The following TULP2 variants were observed in gnomAD, a reference collection of about 807,000 sequenced individuals.
TULP2 encodes tubby-related protein 2.
TULP2 carries 64 observed loss-of-function variants against 60.3 expected under a neutral mutation model. The ratio of observed to expected loss-of-function variants is 1.06; its 90% CI spans 0.87 to 1.31. The LOEUF (loss-of-function observed/expected upper bound fraction) is 1.31. Among genes scored for constraint, TULP2 ranks in the 50% most tolerant of loss-of-function variants. The pLI is 0.00. For synonymous variants in TULP2, 267 were observed against 265.4 expected (o/e 1.01, Z -0.06); for missense variants, 652 against 667.0 (o/e 0.98, Z 0.25).
chr19:48,894,846 C>G (rs2037263903), intron 6 of TULP2, 152 bp downstream of exon 6: 1 of 1,058,932 alleles, frequency 9.4e-7, no homozygotes, highest in Middle Eastern at 3.2e-4. Flanking sequence ...GAGGGGCGAC[C>G]GTGTACTGGA....
chr19:48,895,595 C>A (rs1257467760), intron 4 of TULP2, 92 bp from the exon 5 acceptor site: 43 of 1,492,046 alleles, frequency 2.9e-5, no homozygotes, highest in Non-Finnish European at 3.5e-5. Context: ...CAAATATCAC[C>A]CCCGCCAGGC....
At chr19:48,883,728 A>C in intron 11 of TULP2, 26 bp downstream of exon 11, 32 of 1,609,114 alleles carry the variant, frequency 2.0e-5, no homozygotes, top group Non-Finnish European at 2.6e-5. Flanking sequence ...CCATTGACCC[A>C]GAGATTCCTG....
chr19:48,883,910 C>T (rs777465603), intron 10 of TULP2, 22 bp downstream of exon 10: 2 of 1,613,896 alleles, frequency 1.2e-6, no homozygotes, highest in Middle Eastern at 3.3e-4. Context: ...CTACCCCATT[C>T]TCTCATCCCC....
In TULP2 at chr19:48,882,029, C is replaced by T. The variant is rs1229946297; in HGVS notation, c.1447+3G>A. 6.2e-7 allele frequency: 1 copy of T among 1,614,228 alleles called. No individual in the cohort carries two copies. Among genetic ancestry groups the T allele is most frequent in the Non-Finnish European group, 8.5e-7 (1 of 1,180,048 alleles). Reference sequence around the variant, plus strand: ...CCGGCTAAACTGGTTTCCAGGAGCTCACGGTGTTTGGGATCCACGATTTGG... The same window carrying T: ...CCGGCTAAACTGGTTTCCAGGAGCTTACGGTGTTTGGGATCCACGATTTGG... On this transcript the variant is annotated splice_donor_region_variant and intron_variant, in intron 12 of 12. Coordinates refer to ENST00000221399, the MANE Select transcript of TULP2 (RefSeq NM_003323.3).
chr19:48,896,398 C>A (rs779825699), intron 4 of TULP2, 32 bp downstream of exon 4: 2 of 1,571,460 alleles, frequency 1.3e-6, no homozygotes. Context: ...CCCCTCCCCT[C>A]CAGGCGAACG....
rs1294363471 is a variant in TULP2 at position 48,887,949 on chromosome 19, C to G, written c.948+1G>C. 8.7e-6 allele frequency: 14 copies of G among 1,606,812 alleles called. No homozygotes were observed. The highest frequency in any genetic ancestry group is 1.1e-5 in the Non-Finnish European group (13 of 1,174,262). On this transcript the variant is annotated splice_donor_variant, in intron 8 of 12. Coordinates refer to ENST00000221399, the MANE Select transcript of TULP2 (RefSeq NM_003323.3). LOFTEE classifies it high-confidence loss of function. Reference sequence around the variant, plus strand: ...AAAGCTGTTGGGCTGGCTTACTGCACCTGCAGGCTGTCAGAGGTCTCCAGG... The same window carrying G: ...AAAGCTGTTGGGCTGGCTTACTGCAGCTGCAGGCTGTCAGAGGTCTCCAGG...
chr19:48,884,498 C>G (rs971058338), intron 9 of TULP2, among the ~76,000 whole-genome samples: 1 of 151,698 alleles, frequency 6.6e-6, no homozygotes, highest in Admixed American at 6.6e-5. Flanking sequence ...AGGCCGGGTA[C>G]GGTGGCTCAC....
rs182446876 is a variant in TULP2 at position 48,882,930 on chromosome 19, G to C, written c.1276-727C>G. Among the ~76,000 whole-genome samples, 47 of 152,180 alleles carry C rather than the reference G, an allele frequency of 3.1e-4. No individual in the cohort carries two copies. In the East Asian group the frequency reaches 8.3e-3, roughly 27 times the overall value. On this transcript the variant is annotated intron_variant, in intron 11 of 12. Transcript: ENST00000221399. ...CTTTGAATAAATTTTGCTTGTAAGAGAGGTTACTGCCGGGCACGGTGGCTC... is the reference window on the plus strand; with the variant it reads ...CTTTGAATAAATTTTGCTTGTAAGACAGGTTACTGCCGGGCACGGTGGCTC...
chr19:48,897,973 TTATTTATG>T lies in TULP2; in HGVS notation c.-1-112_-1-105del. On this transcript the variant is annotated intron_variant, in intron 1 of 12. Transcript: ENST00000221399. This position sits in a 1 kb window ranked among gnomAD's most constrained non-coding sequence, Gnocchi z 4.0. ...CTTATTTATTTATTTATTTATTTAT[TTATTTATG>T]TATTTAGAGACAGCTGAGCCTCGCT... 2 of 955,088 alleles carry T rather than the reference TTATTTATG, an allele frequency of 2.1e-6. No homozygotes were observed. Among genetic ancestry groups the T allele is most frequent in the East Asian group, 3.5e-5 (1 of 28,590 alleles). 59.2% of individuals were successfully genotyped at this position (955,088 alleles called of 1,614,324 possible).
At chr19:48,892,608 G>A (rs550627263) in intron 6 of TULP2, among the ~76,000 whole-genome samples, 2 of 151,538 alleles carry the variant, frequency 1.3e-5, no homozygotes, top group African/African-American at 4.9e-5. Flanking sequence ...GGTTCACGCC[G>A]TTTTACTGCC....
At chr19:48,889,406 A>T in intron 7 of TULP2, 104 bp downstream of exon 7, 1 of 1,482,426 alleles carries the variant, frequency 6.7e-7, no homozygotes. Flanking sequence ...ACCACCAGGA[A>T]AAAGAGCTTC....
intron 6 of TULP2, among the ~76,000 whole-genome samples, chr19:48,894,323 T>TA (rs1198287893): frequency 6.6e-6 from 1 of 151,940 alleles, no homozygotes; most frequent in African/African-American, 2.4e-5. Flanking sequence ...ACTTTATTTT[T>TA]AAAAATTTTT....
chr19:48,884,578 C>G (rs921456894), intron 9 of TULP2, among the ~76,000 whole-genome samples: 4 of 152,028 alleles, frequency 2.6e-5, no homozygotes, highest in Non-Finnish European at 5.9e-5. Context: ...CAAGACCAGC[C>G]TGACAGACAT....
chr19:48,895,603 G>A, intron 4 of TULP2, 100 bp from the exon 5 acceptor site: 1 of 1,467,276 alleles, frequency 6.8e-7, no homozygotes, highest in Non-Finnish European at 9.2e-7. Flanking sequence ...ACCCCCGCCA[G>A]GCGCCGTGGC....
intron 8 of TULP2, among the ~76,000 whole-genome samples, chr19:48,887,002 C>T (rs187568027): frequency 1.4e-3 from 207 of 148,308 alleles, no homozygotes; most frequent in Middle Eastern, 0.01. Flanking sequence ...CGTGAACCAC[C>T]GTGCCCGGCC....
intron 11 of TULP2, 90 bp downstream of exon 11, chr19:48,883,664 C>T (rs4802518): frequency 1.4e-6 from 2 of 1,456,742 alleles, no homozygotes; most frequent in Non-Finnish European, 1.9e-6. Flanking sequence ...CCTCCTCTTC[C>T]TCCTCTTCTT....
intron 3 of TULP2, 174 bp from the exon 4 acceptor site, chr19:48,896,730 GT>G: frequency 1.4e-6 from 1 of 730,864 alleles, no homozygotes; most frequent in Non-Finnish European, 2.1e-6. Flanking sequence ...TTATTCCACC[GT>G]TGGACTCAGA....
Position 48,895,519 on chromosome 19 carries a change from G to A in TULP2, c.212-16C>T. 6.3e-7 allele frequency: 1 copy of A among 1,591,824 alleles called. No individual in the cohort carries two copies. Among genetic ancestry groups the A allele is most frequent in the Non-Finnish European group, 8.6e-7 (1 of 1,164,454 alleles). On this transcript the variant is annotated splice_polypyrimidine_tract_variant and intron_variant, in intron 4 of 12. Coordinates refer to ENST00000221399, the MANE Select transcript of TULP2 (RefSeq NM_003323.3). ...TTCCCAAGGCCTGGGAGAAGGTTCA[G>A]CGAGCCCATGAAAACGATCTACAAA...
chr19:48,896,323 G>A (rs2122143871), intron 4 of TULP2, 107 bp downstream of exon 4: 2 of 1,406,916 alleles, frequency 1.4e-6, no homozygotes, highest in East Asian at 2.5e-5. Context: ...CCCATCCACT[G>A]CCAAGTCCCC....
Sources: allele counts gnomAD v4.1 joint callset (sites outside exome capture counted in the v4.1 genomes callset), GRCh38; gene constraint gnomAD v4.1.1; non-coding constraint Gnocchi (gnomAD v3.1); transcripts MANE v1.5; gene names NCBI Gene and HGNC (gene_info 2026-07-23, HGNC 2026-07-21).